Variants in DPP6 observed in about 807,000 individuals in gnomAD.
DPP6 encodes the protein A-type potassium channel modulatory protein DPP6.
A neutral mutation model predicts 122.6 loss-of-function variants in DPP6; 69 were observed. The observed-to-expected ratio is 0.56, with a 90% CI of 0.46 to 0.69. The LOEUF is 0.69. DPP6 is among the 30% of genes least tolerant of loss of function. The probability of loss-of-function intolerance (pLI) is 0.00; values close to 1 mark genes in which losing one functional copy is unlikely to be tolerated. For missense variants in DPP6, 928 were observed against 1,116.9 expected (o/e 0.83, Z 2.41); for synonymous variants, 418 against 433.1 (o/e 0.97, Z 0.43).
intron 1 of DPP6, among the ~76,000 whole-genome samples, chr7:154,097,182 C>T (rs1166483484): frequency 6.6e-6 from 1 of 152,206 alleles, no homozygotes; most frequent in African/African-American, 2.4e-5. Flanking sequence ...GTACCTGGAA[C>T]CAGCCAATTG....
intron 1 of DPP6, among the ~76,000 whole-genome samples, chr7:154,284,072 G>A (rs370619595): frequency 7.0e-6 from 1 of 143,696 alleles, no homozygotes; most frequent in Non-Finnish European, 1.5e-5. Context: ...TTTGATAAAC[G>A]GGGAAGCTGA....
Position 154,627,189 on chromosome 7 carries a change from CTTTTTT to C in DPP6, c.628-10617_628-10612del, listed in dbSNP as rs61163075. On this transcript the variant is annotated intron_variant, in intron 5 of 25. Coordinates refer to ENST00000377770, the MANE Select transcript of DPP6 (RefSeq NM_130797.4). ...CACCACGCCTGGCTAATTTTTTTTC[CTTTTTT>C]TTTTTTTTTTTTTTGAGATGGAGTC... 3.0e-3 allele frequency among the ~76,000 whole-genome samples: 306 copies of C among 103,430 alleles called. 2 individuals are homozygous for C. The highest frequency in any genetic ancestry group is 3.7e-3 in the Non-Finnish European group (202 of 54,034). The allele number at this position is 103,430 out of a possible 152,430, so 67.9% of individuals were successfully genotyped here. A position where few individuals can be genotyped will look rare whatever the true frequency, so the allele number is the denominator to read the frequency against.
At chr7:153,880,607 G>A in the DPP6 span, among the ~76,000 whole-genome samples, 1 of 152,276 alleles carries the variant, frequency 6.6e-6, no homozygotes, top group Non-Finnish European at 1.5e-5. Flanking sequence ...ACATGGCTGT[G>A]GATATGACAT....
At chr7:153,772,790 T>G in the DPP6 span, among the ~76,000 whole-genome samples, 1 of 148,606 alleles carries the variant, frequency 6.7e-6, no homozygotes, top group African/African-American at 2.4e-5. Flanking sequence ...ACAAAGAAGC[T>G]GGAGTAGTTA....
At chr7:154,329,032 T>TA (rs1225237946) in intron 1 of DPP6, among the ~76,000 whole-genome samples, 2 of 152,356 alleles carry the variant, frequency 1.3e-5, no homozygotes, top group African/African-American at 4.8e-5. Context: ...TACATTTTTT[T>TA]ATTCCTGGAA....
rs562888881 is a variant in DPP6, at chr7:154,244,831, A to G, written c.243+191768A>G. Among the ~76,000 whole-genome samples the G allele has an allele frequency of 3.7e-4, 56 of 152,320 alleles. No individual in the cohort carries two copies. The Middle Eastern group carries it at 0.014, about 37-fold the overall frequency. Reference sequence around the variant, plus strand: ...ATAGGATACACAGAAATATATGAGTATAGGAAACTTAAAACTAAACTTTTC... The same window carrying G: ...ATAGGATACACAGAAATATATGAGTGTAGGAAACTTAAAACTAAACTTTTC... On this transcript the variant is annotated intron_variant, in intron 1 of 25. Coordinates refer to ENST00000377770, the MANE Select transcript of DPP6 (RefSeq NM_130797.4).
chr7:154,768,023 G>A (rs117300107), intron 8 of DPP6, among the ~76,000 whole-genome samples: 1 of 152,328 alleles, frequency 6.6e-6, no homozygotes, highest in East Asian at 1.9e-4. Flanking sequence ...GGAGGGGCAG[G>A]GCATGCAGGC....
intron 6 of DPP6, among the ~76,000 whole-genome samples, chr7:154,660,596 A>G (rs554541157): frequency 2.2e-5 from 3 of 136,022 alleles, no homozygotes; most frequent in Non-Finnish European, 4.7e-5. Context: ...TCATATAGTC[A>G]TGGTGAATCA....
chr7:153,877,683 A>G, the DPP6 span, among the ~76,000 whole-genome samples: 10 of 152,206 alleles, frequency 6.6e-5, no homozygotes, highest in Non-Finnish European at 1.5e-4. Context: ...TATTAATTAA[A>G]TTGATAAAAA....
At chr7:154,342,500 T>G (rs989224633) in intron 1 of DPP6, among the ~76,000 whole-genome samples, 1 of 152,050 alleles carries the variant, frequency 6.6e-6, no homozygotes, top group Non-Finnish European at 1.5e-5. Context: ...AGCTGCTGAG[T>G]TGGGGGTGAA....
At chr7:154,129,910 AAAG>A (rs1235202159) in intron 1 of DPP6, among the ~76,000 whole-genome samples, 1 of 150,506 alleles carries the variant, frequency 6.6e-6, no homozygotes, top group Non-Finnish European at 1.5e-5. Flanking sequence ...AAAAAAAAAA[AAAG>A]AAAAAGAAAA....
intron 1 of DPP6, among the ~76,000 whole-genome samples, chr7:154,153,464 G>A (rs1194484415): frequency 6.6e-6 from 1 of 152,216 alleles, no homozygotes; most frequent in Admixed American, 6.5e-5. Flanking sequence ...TGGGATTACA[G>A]TAGTGAGTCA....
chr7:154,406,057 T>A (rs1417625754), intron 1 of DPP6, among the ~76,000 whole-genome samples: 1 of 152,168 alleles, frequency 6.6e-6, no homozygotes, highest in African/African-American at 2.4e-5. Flanking sequence ...ATAAATCTTA[T>A]ATTAATGCTA....
chr7:153,863,257 C>T, the DPP6 span, among the ~76,000 whole-genome samples: 1 of 152,136 alleles, frequency 6.6e-6, no homozygotes, highest in African/African-American at 2.4e-5. Flanking sequence ...CTGCAAAGGA[C>T]ATGAACTCAT....
intron 3 of DPP6, among the ~76,000 whole-genome samples, chr7:154,484,206 A>C (rs1224050115): frequency 6.6e-6 from 1 of 152,170 alleles, no homozygotes; most frequent in Non-Finnish European, 1.5e-5. Flanking sequence ...AGGGTGAAAG[A>C]CGCTTACATG....
At chr7:154,402,433 T>C (rs1815703252) in intron 1 of DPP6, among the ~76,000 whole-genome samples, 1 of 150,338 alleles carries the variant, frequency 6.7e-6, no homozygotes, top group Admixed American at 6.6e-5. Flanking sequence ...AAATGATGAG[T>C]TCATGTCCTT....
At chr7:154,031,629 A>G (rs1286236169) in intron 1 of DPP6, among the ~76,000 whole-genome samples, 1 of 151,836 alleles carries the variant, frequency 6.6e-6, no homozygotes, top group Admixed American at 6.6e-5. Flanking sequence ...CTAGGCAGAC[A>G]CTCAAGCAAC....
chr7:154,492,315 A>T (rs1371840133), intron 3 of DPP6, among the ~76,000 whole-genome samples: 1 of 152,198 alleles, frequency 6.6e-6, no homozygotes, highest in Non-Finnish European at 1.5e-5. Context: ...ATTCTGGGCA[A>T]CTCAGTGCAA....
In DPP6 at chr7:154,645,644, A is replaced by T. The variant is rs1348052990; in HGVS notation, c.680+7771A>T. On this transcript the variant is annotated intron_variant, in intron 6 of 25. Coordinates refer to ENST00000377770, the MANE Select transcript of DPP6 (RefSeq NM_130797.4). Reference sequence around the variant, plus strand: ...GGCACACTTACTCCATCCATATATTAGTTGCCTAATGCATGGGGTTTATGG... The same window carrying T: ...GGCACACTTACTCCATCCATATATTTGTTGCCTAATGCATGGGGTTTATGG... Among the ~76,000 whole-genome samples, 3 of 152,162 alleles carry T rather than the reference A, an allele frequency of 2.0e-5. No individual in the cohort carries two copies. In the East Asian group the frequency reaches 5.8e-4, roughly 29 times the overall value.
Sources: allele counts gnomAD v4.1 joint callset (sites outside exome capture counted in the v4.1 genomes callset), GRCh38; gene constraint gnomAD v4.1.1; transcripts MANE v1.5; gene names NCBI Gene and HGNC (gene_info 2026-07-23, HGNC 2026-07-21).